The following LYPLAL1 variants were observed in gnomAD, a reference collection of about 807,000 sequenced individuals.
LYPLAL1 encodes the protein lysophospholipase like 1, also known as lysophospholipase-like protein 1.
In LYPLAL1, 23 loss-of-function variants were observed where a neutral mutation model predicts 19.7. The ratio of observed to expected loss-of-function variants is 1.17; its 90% CI spans 0.84 to 1.65. The LOEUF (loss-of-function observed/expected upper bound fraction) is 1.65. Ranked by LOEUF, LYPLAL1 falls within the 40% of genes most tolerant of loss-of-function variation. The pLI is 0.00. For synonymous variants in LYPLAL1, 119 were observed against 96.3 expected, an observed-to-expected ratio of 1.24 and a Z score of -1.38; for missense variants, 355 against 279.4, an observed-to-expected ratio of 1.27 and a Z score of -1.93.
chr1:219,272,693 C>T, the LYPLAL1 span: 1 of 151,708 alleles, frequency 6.6e-6, no homozygotes, highest in Admixed American at 6.6e-5. Context: ...TGCTTAAACT[C>T]GGAACTCGGG....
At chr1:219,308,653 A>G in the LYPLAL1 span, among the ~76,000 whole-genome samples, 4 of 152,190 alleles carry the variant, frequency 2.6e-5, no homozygotes, top group Non-Finnish European at 5.9e-5. Context: ...GCCTCAAGCC[A>G]TGGCAGCTTC....
the LYPLAL1 span, among the ~76,000 whole-genome samples, chr1:219,358,287 T>C: frequency 5.9e-5 from 9 of 152,186 alleles, no homozygotes; most frequent in African/African-American, 1.9e-4. Flanking sequence ...TAAGTAACTT[T>C]GGAAATGAGT....
At chr1:219,290,662 G>A in the LYPLAL1 span, among the ~76,000 whole-genome samples, 1 of 152,044 alleles carries the variant, frequency 6.6e-6, no homozygotes, top group Non-Finnish European at 1.5e-5. Flanking sequence ...TTCTCTGTCT[G>A]CGGAATAGCT....
the LYPLAL1 span, among the ~76,000 whole-genome samples, chr1:219,402,061 A>G: frequency 6.6e-6 from 1 of 152,190 alleles, no homozygotes; most frequent in Non-Finnish European, 1.5e-5. Flanking sequence ...ACAATTCATC[A>G]TATATTATTA....
the LYPLAL1 span, among the ~76,000 whole-genome samples, chr1:219,318,884 C>T: frequency 1.3e-5 from 2 of 152,302 alleles, no homozygotes; most frequent in African/African-American, 4.8e-5. Context: ...GGGGCTTGTC[C>T]AAGGAACTTA....
At chr1:219,232,663 A>G in the LYPLAL1 span, among the ~76,000 whole-genome samples, 1 of 152,216 alleles carries the variant, frequency 6.6e-6, no homozygotes. Context: ...TGGAATACAT[A>G]AAGATCTCCT....
chr1:219,308,092 CTTG>C, the LYPLAL1 span, among the ~76,000 whole-genome samples: 3 of 152,154 alleles, frequency 2.0e-5, no homozygotes, highest in African/African-American at 7.2e-5. Context: ...ATATGAGGAA[CTTG>C]TTGTGAACTG....
the LYPLAL1 span, among the ~76,000 whole-genome samples, chr1:219,353,954 A>G: frequency 4.6e-5 from 7 of 152,224 alleles, no homozygotes; most frequent in South Asian, 1.0e-3. Flanking sequence ...TGGAACTGAA[A>G]TAGATATTTG....
At chr1:219,298,809 A>G in the LYPLAL1 span, among the ~76,000 whole-genome samples, 1 of 152,236 alleles carries the variant, frequency 6.6e-6, no homozygotes, top group African/African-American at 2.4e-5. Context: ...CAGAGTGATA[A>G]TAATCTTTTT....
At chr1:219,291,419 G>C in the LYPLAL1 span, among the ~76,000 whole-genome samples, 1 of 152,156 alleles carries the variant, frequency 6.6e-6, no homozygotes, top group Non-Finnish European at 1.5e-5. Flanking sequence ...TTTGAAATAA[G>C]TGCCAGCTTT....
the LYPLAL1 span, among the ~76,000 whole-genome samples, chr1:219,386,136 C>T: frequency 1.3e-5 from 2 of 152,152 alleles, no homozygotes; most frequent in Non-Finnish European, 2.9e-5. Context: ...GGGTGTATTT[C>T]TCTAGCTCAA....
chr1:219,408,371 AT>A, the LYPLAL1 span, among the ~76,000 whole-genome samples: 1 of 152,112 alleles, frequency 6.6e-6, no homozygotes, highest in Admixed American at 6.5e-5. Flanking sequence ...CCCTTTTAAA[AT>A]TTGGATGCTG....
At chr1:219,260,801 G>A in the LYPLAL1 span, among the ~76,000 whole-genome samples, 1 of 151,448 alleles carries the variant, frequency 6.6e-6, no homozygotes, top group Non-Finnish European at 1.5e-5. Context: ...AATATTTGCA[G>A]AAAGCCATTC....
intron 2 of LYPLAL1, among the ~76,000 whole-genome samples, chr1:219,191,771 T>G (rs1657202186): frequency 6.6e-6 from 1 of 151,702 alleles, no homozygotes; most frequent in Admixed American, 6.6e-5. Flanking sequence ...TTTATGTATC[T>G]GCATAAACTT....
rs28760441 is a variant in LYPLAL1 at position 219,193,058 on chromosome 1, T to G, written c.192-24T>G. 1.6e-3 allele frequency: 1,924 copies of G among 1,186,508 alleles called. 6 individuals are homozygous for G. The highest frequency in any genetic ancestry group is 6.6e-3 in the East Asian group (233 of 35,078). The allele number at this position is 1,186,508 out of a possible 1,614,324, so 73.5% of individuals were successfully genotyped here. Reference sequence around the variant, plus strand: ...TATTCCCTTTTCCTTTCTTTTTTTTTGGGGGGGGGCGGTTGTTAAACAGAT... The same window carrying G: ...TATTCCCTTTTCCTTTCTTTTTTTTGGGGGGGGGGCGGTTGTTAAACAGAT... On this transcript the variant is annotated intron_variant, in intron 2 of 4. Coordinates refer to ENST00000366928, the MANE Select transcript of LYPLAL1 (RefSeq NM_138794.5).
the LYPLAL1 span, among the ~76,000 whole-genome samples, chr1:219,227,337 G>A: frequency 1.3e-5 from 2 of 152,166 alleles, no homozygotes; most frequent in Admixed American, 1.3e-4. Context: ...AAAGACAGGA[G>A]TTGGATGTTG....
At chr1:219,218,704 A>G in the LYPLAL1 span, among the ~76,000 whole-genome samples, 1 of 152,136 alleles carries the variant, frequency 6.6e-6, no homozygotes, top group Non-Finnish European at 1.5e-5. Context: ...GCATATTCCT[A>G]TATTGAAGGT....
the LYPLAL1 span, among the ~76,000 whole-genome samples, chr1:219,389,156 T>C: frequency 6.6e-6 from 1 of 152,226 alleles, no homozygotes; most frequent in South Asian, 2.1e-4. Flanking sequence ...TCTGGCTCTA[T>C]CTTTGTTAAT....
At chr1:219,381,160 G>A in the LYPLAL1 span, among the ~76,000 whole-genome samples, 13 of 152,208 alleles carry the variant, frequency 8.5e-5, no homozygotes, top group South Asian at 1.0e-3. Context: ...GTGGGTTTTC[G>A]CATGCTGTTC....
Sources: gnomAD v4.1 joint callset for allele counts (sites outside exome capture counted in the v4.1 genomes callset) on GRCh38, gnomAD v4.1.1 for gene constraint, MANE v1.5 for transcripts, NCBI Gene and HGNC (gene_info 2026-07-23, HGNC 2026-07-21) for gene names.